The following MLXIPL variants were observed in gnomAD, a reference collection of about 807,000 sequenced individuals.
MLXIPL encodes MLX interacting protein like, also known as carbohydrate-responsive element-binding protein.
In MLXIPL, 49 loss-of-function variants were observed where a neutral mutation model predicts 81.5. That is an observed-to-expected ratio of 0.60 (90% CI 0.48 to 0.76). The LOEUF (loss-of-function observed/expected upper bound fraction) is 0.76. MLXIPL is among the 30% of genes least tolerant of loss of function. MLXIPL has a pLI of 0.00. For missense variants in MLXIPL, 1,053 were observed against 1,167.0 expected (o/e 0.90, Z 1.42); for synonymous variants, 466 against 485.5 (o/e 0.96, Z 0.53).
At position 73,599,677 on chromosome 7, in the gene MLXIPL, C is replaced by T. The variant is rs782509499; in HGVS notation, c.920G>A (p.Arg307His). ...MDISDFFTNS[R>H]LPQPPMPSNF... is the part of the protein sequence containing the mutation. Reference sequence around the variant, plus strand: ...TGAAGGCATGGGCGGCTGTGGGAGGCGGGAGTTGGTAAAGAAATCTGTAAT... The same window carrying T: ...TGAAGGCATGGGCGGCTGTGGGAGGTGGGAGTTGGTAAAGAAATCTGTAAT... Residue 307 changes from arginine to histidine, a missense_variant, in exon 8 of 17, where the codon CGC becomes CAC. Transcript: ENST00000313375. 3.0e-5 allele frequency: 48 copies of T among 1,605,620 alleles called. No individual in the cohort carries two copies. The highest frequency in any genetic ancestry group is 2.0e-4 in the East Asian group (9 of 44,722).
At chr7:73,624,112 T>A in intron 1 of MLXIPL, 88 bp downstream of exon 1, 1 of 1,453,878 alleles carries the variant, frequency 6.9e-7, no homozygotes, top group Admixed American at 2.5e-5. Context: ...GGTGGGGTGT[T>A]GAGGGCCCCA....
rs375219519 is a variant in MLXIPL, at chr7:73,595,824, C to T, written c.2186+18G>A. ...GGCATGGCCCCCTGGTCCCAGCACC[C>T]GCCTGGACCCTGCCTACTTAATGGC... On this transcript the variant is annotated intron_variant, in intron 14 of 16. Coordinates refer to ENST00000313375, the MANE Select transcript of MLXIPL (RefSeq NM_032951.3). The T allele has an allele frequency of 2.1e-5, 34 of 1,592,402 alleles. No individual in the cohort carries two copies. The highest frequency in any genetic ancestry group is 1.6e-4 in the Middle Eastern group (1 of 6,062).
At position 73,607,389 on chromosome 7, in the gene MLXIPL, C is replaced by G. The variant is rs1412190186; in HGVS notation, c.515G>C (p.Arg172Pro). ...AVVLEGNYWK[R>P]RIEVVMREYH... ...TTCCCGCATCACCACCTCGATGCGC[C>G]GCTTCCAGTAGTTCCCCTCCAGGAC... is the stretch of plus-strand genomic sequence containing the variant. Residue 172 changes from arginine to proline, a missense_variant, in exon 4 of 17, where the codon CGG (arginine) becomes CCG (proline). Physicochemically the swap from Arg to Pro is moderately radical, Grantham distance 103 (BLOSUM62 -2). This residue lies in a region of MLXIPL where 823 missense variants were observed against 933.0 expected (regional missense o/e 0.88). Transcript: ENST00000313375. The G allele has an allele frequency of 4.5e-6, 7 of 1,562,760 alleles. No homozygotes were observed. The highest frequency in any genetic ancestry group is 6.1e-6 in the Non-Finnish European group (7 of 1,153,180).
chr7:73,603,199 G>T (rs570294774), intron 7 of MLXIPL, among the ~76,000 whole-genome samples: 1 of 152,186 alleles, frequency 6.6e-6, no homozygotes, highest in East Asian at 1.9e-4. Flanking sequence ...CTGCCGTCTT[G>T]GTGGTACCAG....
At position 73,593,872 on chromosome 7, in the gene MLXIPL, G is replaced by A. The variant is rs782194889; in HGVS notation, c.2552C>T (p.Pro851Leu). 6.2e-7 allele frequency: 1 copy of A among 1,613,854 alleles called. No homozygotes were observed. The highest frequency in any genetic ancestry group is 1.1e-5 in the South Asian group (1 of 91,080). The change falls in exon 17 of 17, where the codon CCT (proline) becomes CTT (leucine). Residue 851 changes from proline to leucine, a missense_variant. Pro to Leu is a moderately conservative substitution (Grantham distance 98). Around this residue, in one of 3 missense-constraint regions of MLXIPL, gnomAD observed 823 missense variants for 933.0 expected, o/e 0.88. Coordinates refer to ENST00000313375, the MANE Select transcript of MLXIPL (RefSeq NM_032951.3). ...AGCAGGGTCTGGCCAGGACTATAAAGGTTTGCCAAGGGTGCCCTCTGTGAC... is the reference window on the plus strand; with the variant it reads ...AGCAGGGTCTGGCCAGGACTATAAAAGTTTGCCAAGGGTGCCCTCTGTGAC... ...RAVTEGTLGK[P>L]L
intron 7 of MLXIPL, among the ~76,000 whole-genome samples, chr7:73,603,996 G>A (rs921228653): frequency 2.0e-4 from 30 of 149,458 alleles, no homozygotes; most frequent in African/African-American, 6.4e-4. Context: ...TGGGAGGATC[G>A]CTTGAGGTCA....
At chr7:73,637,839 G>A in the MLXIPL span, among the ~76,000 whole-genome samples, 1 of 152,280 alleles carries the variant, frequency 6.6e-6, no homozygotes, top group East Asian at 1.9e-4. Context: ...GTGAGAGGTC[G>A]GGTCCGGGGC....
chr7:73,596,320 C>A lies in MLXIPL; in HGVS notation c.1938+44G>T, dbSNP rs1554593782. ...GAGCCTAGGAAGGAGCCCAGGAGGG[C>A]CTGGGGGTAGCAAACCGATCTTGGG... On this transcript the variant is annotated intron_variant, in intron 12 of 16. Transcript: ENST00000313375. The surrounding 1 kb of genome is among the most constrained non-coding windows in gnomAD (Gnocchi z 4.7). The A allele has an allele frequency of 6.2e-7, 1 of 1,610,778 alleles. No homozygotes were observed. The highest frequency in any genetic ancestry group is 2.2e-5 in the East Asian group (1 of 44,698).
At chr7:73,607,445 G>T in intron 3 of MLXIPL, 25 bp from the exon 4 acceptor site, 1 of 1,539,296 alleles carries the variant, frequency 6.5e-7, no homozygotes, top group African/African-American at 1.4e-5. Flanking sequence ...GGGGGAGGGG[G>T]ATCAGTAGAG....
chr7:73,599,110 A>G (rs1319782562), intron 8 of MLXIPL, among the ~76,000 whole-genome samples: 1 of 151,454 alleles, frequency 6.6e-6, no homozygotes, highest in African/African-American at 2.4e-5. Context: ...GAATTGATGA[A>G]CCAAAATGGT....
chr7:73,639,181 T>C, the MLXIPL span, among the ~76,000 whole-genome samples: 3 of 151,930 alleles, frequency 2.0e-5, no homozygotes, highest in Non-Finnish European at 4.4e-5. Flanking sequence ...TAAAACCCCA[T>C]CCCAGGCCAG....
chr7:73,642,445 G>A, the MLXIPL span, among the ~76,000 whole-genome samples: 8 of 152,198 alleles, frequency 5.3e-5, no homozygotes, highest in East Asian at 1.4e-3. Flanking sequence ...TTCACCTCCT[G>A]GGTTCAAGAG....
At chr7:73,611,916 A>G (rs1238474699) in intron 2 of MLXIPL, among the ~76,000 whole-genome samples, 1 of 152,178 alleles carries the variant, frequency 6.6e-6, no homozygotes, top group African/African-American at 2.4e-5. Flanking sequence ...TTGGACAGAA[A>G]ACAAAGGGCT....
chr7:73,595,495 G>A, intron 15 of MLXIPL, 142 bp downstream of exon 15: 1 of 1,578,278 alleles, frequency 6.3e-7, no homozygotes, highest in East Asian at 2.3e-5. Flanking sequence ...CATGGAAGCA[G>A]GGGGCAGAGC....
At chr7:73,613,169 G>A (rs72649037) in intron 2 of MLXIPL, among the ~76,000 whole-genome samples, 154 of 152,294 alleles carry the variant, frequency 1.0e-3, no homozygotes, top group Non-Finnish European at 1.6e-3. Context: ...CCCCACTCCC[G>A]TGAAGCCCAC....
chr7:73,647,819 C>G, the MLXIPL span, among the ~76,000 whole-genome samples: 1 of 150,820 alleles, frequency 6.6e-6, no homozygotes, highest in South Asian at 2.1e-4. Context: ...CGGCCAGGGG[C>G]GGGCGGCGGG....
upstream of MLXIPL, among the ~76,000 whole-genome samples, chr7:73,627,323 A>G (rs1449374798): frequency 6.8e-6 from 1 of 146,164 alleles, no homozygotes; most frequent in Admixed American, 7.1e-5. Context: ...ATCTCAGCTC[A>G]CTGCAACCTC....
intron 2 of MLXIPL, among the ~76,000 whole-genome samples, chr7:73,614,579 A>C (rs1401681379): frequency 6.6e-6 from 1 of 152,154 alleles, no homozygotes; most frequent in Non-Finnish European, 1.5e-5. Flanking sequence ...TTGATCCTGC[A>C]GCAGAACCTG....
the MLXIPL span, among the ~76,000 whole-genome samples, chr7:73,640,054 T>C: frequency 2.0e-5 from 3 of 149,534 alleles, no homozygotes; most frequent in African/African-American, 7.4e-5. Flanking sequence ...AGAGCGAGAC[T>C]CCATCTCAAA....
Sources: allele counts gnomAD v4.1 joint callset (sites outside exome capture counted in the v4.1 genomes callset), GRCh38; gene constraint gnomAD v4.1.1; regional missense constraint gnomAD v4.1.1; non-coding constraint Gnocchi (gnomAD v3.1); transcripts MANE v1.5; gene names NCBI Gene and HGNC (gene_info 2026-07-23, HGNC 2026-07-21).